The following CTNNA3 variants were observed in gnomAD, a reference collection of about 807,000 sequenced individuals.
CTNNA3 encodes catenin alpha-3.
Under a neutral mutation model 95.7 loss-of-function variants are expected in CTNNA3, and 76 were observed. The ratio of observed to expected loss-of-function variants is 0.79; its 90% confidence interval spans 0.66 to 0.96. The LOEUF is 0.96. Ranked by LOEUF, CTNNA3 falls within the 40% of genes least tolerant of loss-of-function variation. CTNNA3 has a pLI of 0.00. For synonymous variants in CTNNA3, 431 were observed against 374.4 expected, an observed-to-expected ratio of 1.15 and a Z score of -1.74; for missense variants, 1,191 against 1,089.8, an observed-to-expected ratio of 1.09 and a Z score of -1.31.
At chr10:66,859,108 T>C (rs1209028963) in intron 7 of CTNNA3, among the ~76,000 whole-genome samples, 2 of 152,058 alleles carry the variant, frequency 1.3e-5, no homozygotes, top group African/African-American at 4.8e-5. Flanking sequence ...ACTTTTGTAT[T>C]CAAATGTATA....
At chr10:66,378,890 A>AACATTC (rs1278216683) in intron 12 of CTNNA3, among the ~76,000 whole-genome samples, 11 of 152,350 alleles carry the variant, frequency 7.2e-5, no homozygotes, top group African/African-American at 2.6e-4. Context: ...GGCATTAATG[A>AACATTC]ACATTCTAAG....
chr10:66,478,417 T>C (rs1250199121), intron 11 of CTNNA3, among the ~76,000 whole-genome samples: 2 of 152,076 alleles, frequency 1.3e-5, no homozygotes, highest in African/African-American at 2.4e-5. Context: ...TTTATTAAGA[T>C]AATTTTTATT....
At chr10:66,263,659 T>C (rs1222873773) in intron 13 of CTNNA3, among the ~76,000 whole-genome samples, 1 of 151,964 alleles carries the variant, frequency 6.6e-6, no homozygotes. Context: ...TCTCATTATA[T>C]CTAAGCCCAG....
At chr10:67,025,875 T>C (rs1853340768) in intron 7 of CTNNA3, among the ~76,000 whole-genome samples, 1 of 147,024 alleles carries the variant, frequency 6.8e-6, no homozygotes, top group Admixed American at 6.8e-5. Flanking sequence ...CCAACAATGA[T>C]AGACTGGATT....
chr10:66,222,574 G>C lies in CTNNA3; in HGVS notation c.1884+57896C>G, dbSNP rs560741335. Among the ~76,000 whole-genome samples, 68 of 141,088 alleles carry C rather than the reference G, an allele frequency of 4.8e-4. 2 individuals are homozygous for C. The East Asian group carries it at 0.013, about 27-fold the overall frequency. 92.6% of individuals were successfully genotyped at this position (141,088 alleles called of 152,430 possible). On this transcript the variant is annotated intron_variant, in intron 13 of 17. Transcript: ENST00000433211. The stretch of plus-strand genomic sequence containing the variant: ...ATAAAGAAAGAGAGAAAGAAGGAAA[G>C]AAAGAAGGAAAGAAAAAGAAAGAAC...
intron 5 of CTNNA3, among the ~76,000 whole-genome samples, chr10:67,375,843 G>C (rs1843666912): frequency 6.6e-6 from 1 of 152,136 alleles, no homozygotes; most frequent in South Asian, 2.1e-4. Flanking sequence ...GCCAACAACA[G>C]AACAGCTTCA....
At chr10:66,379,080 ATG>A in intron 12 of CTNNA3, 70 bp downstream of exon 12, 1 of 1,255,226 alleles carries the variant, frequency 8.0e-7, no homozygotes, top group Non-Finnish European at 1.2e-6. Context: ...TCTTTCCCAC[ATG>A]TATGAATATT....
At chr10:66,973,825 T>C (rs1399504922) in intron 7 of CTNNA3, among the ~76,000 whole-genome samples, 1 of 152,146 alleles carries the variant, frequency 6.6e-6, no homozygotes, top group South Asian at 2.1e-4. Context: ...GGTTTCACCA[T>C]GTTGGCCAGG....
At chr10:67,015,039 C>T (rs559714454) in intron 7 of CTNNA3, among the ~76,000 whole-genome samples, 1 of 152,062 alleles carries the variant, frequency 6.6e-6, no homozygotes, top group African/African-American at 2.4e-5. Flanking sequence ...CAAGGGCACT[C>T]CAAAGTTGAG....
In CTNNA3 at chr10:66,570,908, T is replaced by C. The variant is rs139265668; in HGVS notation, c.1375-50135A>G. On this transcript the variant is annotated intron_variant, in intron 10 of 17. Coordinates refer to ENST00000433211, the MANE Select transcript of CTNNA3 (RefSeq NM_013266.4). ...TTTAATTTCCTAAGATGAAAACAGTTTTGAGCAAGGAGCTCTCAAAAAAAT... is the reference window on the plus strand; with the variant it reads ...TTTAATTTCCTAAGATGAAAACAGTCTTGAGCAAGGAGCTCTCAAAAAAAT... Among the ~76,000 whole-genome samples, 142 of 152,244 alleles carry C rather than the reference T, an allele frequency of 9.3e-4. No homozygotes were observed. The East Asian group carries it at 0.024, about 26-fold the overall frequency.
chr10:67,122,466 C>T (rs1859518306), intron 7 of CTNNA3, among the ~76,000 whole-genome samples: 1 of 151,914 alleles, frequency 6.6e-6, no homozygotes, highest in African/African-American at 2.4e-5. Flanking sequence ...ATCTCATTAG[C>T]CATTAATTTA....
chr10:66,434,522 T>C (rs996664256), intron 11 of CTNNA3, among the ~76,000 whole-genome samples: 11 of 152,190 alleles, frequency 7.2e-5, no homozygotes, highest in African/African-American at 2.7e-4. Flanking sequence ...TGAAGTTGCT[T>C]ATCAGCCTAA....
chr10:67,491,925 A>G (rs1163496416), intron 5 of CTNNA3, among the ~76,000 whole-genome samples: 1 of 152,154 alleles, frequency 6.6e-6, no homozygotes, highest in Non-Finnish European at 1.5e-5. Context: ...TGTATTTACA[A>G]TATATGATAT....
chr10:66,226,857 TAA>T (rs1386911690), intron 13 of CTNNA3, among the ~76,000 whole-genome samples: 1 of 152,110 alleles, frequency 6.6e-6, no homozygotes, highest in African/African-American at 2.4e-5. Flanking sequence ...TATTTTTCAC[TAA>T]GTTTATTATT....
chr10:66,074,272 C>A (rs1414435130), intron 14 of CTNNA3, among the ~76,000 whole-genome samples: 3 of 151,578 alleles, frequency 2.0e-5, no homozygotes, highest in African/African-American at 7.3e-5. Context: ...TTTCTATAAA[C>A]AATATTTTGA....
intron 6 of CTNNA3, among the ~76,000 whole-genome samples, chr10:67,204,657 G>A (rs1264036545): frequency 6.6e-6 from 1 of 152,166 alleles, no homozygotes; most frequent in African/African-American, 2.4e-5. Flanking sequence ...TGACATGACA[G>A]TCCGGAAACG....
intron 11 of CTNNA3, among the ~76,000 whole-genome samples, chr10:66,400,517 T>C (rs1215849652): frequency 6.6e-6 from 1 of 152,046 alleles, no homozygotes; most frequent in African/African-American, 2.4e-5. Flanking sequence ...AAGAGTGATA[T>C]ATATAGATAT....
chr10:67,707,307 C>T (rs189198302), intron 1 of CTNNA3, among the ~76,000 whole-genome samples: 1 of 152,246 alleles, frequency 6.6e-6, no homozygotes, highest in East Asian at 1.9e-4. Context: ...CTGTTGTCAA[C>T]CTCTTTTACC....
Position 65,913,858 on chromosome 10 carries a change from CA to C in CTNNA3, c.*6471del. On this transcript the variant is annotated 3_prime_UTR_variant, in exon 18 of 18. Coordinates refer to ENST00000433211, the MANE Select transcript of CTNNA3 (RefSeq NM_013266.4). The stretch of plus-strand genomic sequence containing the variant: ...ACCACAGAGAGGTTCAGGTAATTTA[CA>C]CAGATGGGGAACTGATGTGACATAC... 1 of 152,174 alleles carries C rather than the reference CA, an allele frequency of 6.6e-6. No individual in the cohort carries two copies. The highest frequency in any genetic ancestry group is 2.1e-4 in the South Asian group (1 of 4,822). 9.4% of individuals were successfully genotyped at this position (152,174 alleles called of 1,614,324 possible). A position where few individuals can be genotyped will look rare whatever the true frequency, so the allele number is the denominator to read the frequency against.
Sources: allele counts gnomAD v4.1 joint callset (sites outside exome capture counted in the v4.1 genomes callset), GRCh38; gene constraint gnomAD v4.1.1; transcripts MANE v1.5; gene names NCBI Gene and HGNC (gene_info 2026-07-23, HGNC 2026-07-21).